HERC1: variants seen among roughly 807,000 people sequenced by gnomAD.
HERC1 encodes probable E3 ubiquitin-protein ligase HERC1.
A neutral mutation model predicts 554.3 loss-of-function variants in HERC1; 160 were observed. The observed-to-expected ratio is 0.29, with a 90% CI of 0.25 to 0.33. The LOEUF (loss-of-function observed/expected upper bound fraction) is 0.33. HERC1 is among the 10% of genes least tolerant of loss of function. The probability of loss-of-function intolerance (pLI) is 1.00; values close to 1 mark genes in which losing one functional copy is unlikely to be tolerated. For synonymous variants in HERC1, 2,175 were observed against 2,131.7 expected, an observed-to-expected ratio of 1.02 and a Z score of -0.56; for missense variants, 4,919 against 5,918.5, an observed-to-expected ratio of 0.83 and a Z score of 5.54.
intron 44 of HERC1, among the ~76,000 whole-genome samples, chr15:63,662,233 A>G (rs2070394331): frequency 6.6e-6 from 1 of 152,164 alleles, no homozygotes; most frequent in South Asian, 2.1e-4. Context: ...AATAAGTTAT[A>G]TCAATAATAC....
In HERC1 at chr15:63,622,888, G is replaced by C; in HGVS notation, c.13615C>G (p.Leu4539Val). Residue 4539 changes from leucine (L) to valine (V), a missense_variant, in exon 74 of 78, where the codon CTT becomes GTT. Physicochemically the swap from Leu to Val is conservative, Grantham distance 32 (BLOSUM62 1). Coordinates refer to ENST00000443617, the MANE Select transcript of HERC1 (RefSeq NM_003922.4). ...AGAAGGTCAACAATACCAGTTTCAA[G>C]TTCCTGCAGAAGAAAGAAAAAAATT... ...DDTITEMCQE[L>V]ETGIVDLLIP... 1 of 1,593,658 alleles carries C rather than the reference G, an allele frequency of 6.3e-7. No homozygotes were observed. The highest frequency in any genetic ancestry group is 8.5e-7 in the Non-Finnish European group (1 of 1,172,210).
chr15:63,724,623 T>A (rs2073963452), intron 18 of HERC1, among the ~76,000 whole-genome samples: 1 of 152,192 alleles, frequency 6.6e-6, no homozygotes, highest in African/African-American at 2.4e-5. Flanking sequence ...TTAGATCTAA[T>A]AATATCATGT....
At chr15:63,659,538 C>A (rs1336692350) in intron 47 of HERC1, among the ~76,000 whole-genome samples, 198 bp downstream of exon 47, 1 of 152,148 alleles carries the variant, frequency 6.6e-6, no homozygotes, top group South Asian at 2.1e-4. Context: ...CGAGCATAAG[C>A]CACCAAGCCC....
intron 76 of HERC1, among the ~76,000 whole-genome samples, chr15:63,613,054 A>AT (rs1318631887): frequency 2.0e-5 from 3 of 152,378 alleles, no homozygotes; most frequent in Middle Eastern, 3.4e-3. Flanking sequence ...CGTAAAAAAA[A>AT]TCTGAAAAGT....
rs1483089609 is a variant in HERC1 at position 63,654,210 on chromosome 15, C to T, written c.10199G>A (p.Arg3400His). 8 of 1,613,990 alleles carry T rather than the reference C, an allele frequency of 5.0e-6. No individual in the cohort carries two copies. Among genetic ancestry groups the T allele is most frequent in the Middle Eastern group, 1.6e-4 (1 of 6,062 alleles). ...QLVRTLAAHD[R>H]DNQTTLQTLA... ...TGTCTGCAGAGTAGTTTGGTTGTCA[C>T]GGTCGTGTGCAGCAAGAGTGCGCAC... The change falls in exon 51 of 78, where the codon CGT (arginine) becomes CAT (histidine). Residue 3400 changes from arginine to histidine, a missense_variant. By Grantham distance (29) the Arg-to-His change is conservative (BLOSUM62 0). This residue lies in a region of HERC1 where 1,963 missense variants were observed against 2,228.6 expected (regional missense o/e 0.88). Transcript: ENST00000443617.
Position 63,718,158 on chromosome 15 carries a change from A to G in HERC1, c.3978+416T>C, listed in dbSNP as rs1292825975. Among the ~76,000 whole-genome samples the G allele has an allele frequency of 2.0e-5, 3 of 151,098 alleles. No homozygotes were observed. The highest frequency in any genetic ancestry group is 1.3e-4 in the Admixed American group (2 of 15,170). On this transcript the variant is annotated intron_variant, in intron 21 of 77. Transcript: ENST00000443617. The surrounding 1 kb of genome is among the most constrained non-coding windows in gnomAD (Gnocchi z 4.2). ...CTTGGTTTTCACTTCTCTAAGCTGA[A>G]TATTTTTGATACTTTCTAGTCCTTC...
chr15:63,753,369 C>A (rs1293541327), intron 7 of HERC1, among the ~76,000 whole-genome samples: 1 of 152,080 alleles, frequency 6.6e-6, no homozygotes, highest in Admixed American at 6.6e-5. Flanking sequence ...TCTTTCTCCC[C>A]CTTTAATGGC....
At chr15:63,709,303 C>A (rs564391667) in intron 24 of HERC1, among the ~76,000 whole-genome samples, 1 of 152,096 alleles carries the variant, frequency 6.6e-6, no homozygotes, top group Admixed American at 6.6e-5. Flanking sequence ...AGCCACTGCG[C>A]CTGGCCCAAT....
chr15:63,654,611 G>A (rs1432245360), intron 50 of HERC1, among the ~76,000 whole-genome samples: 1 of 152,026 alleles, frequency 6.6e-6, no homozygotes, highest in African/African-American at 2.4e-5. Context: ...CCAGTGCTTT[G>A]GGAGGCCAAG....
chr15:63,689,441 G>A (rs2071977587), intron 33 of HERC1, 148 bp downstream of exon 33: 2 of 558,566 alleles, frequency 3.6e-6, no homozygotes, highest in Admixed American at 3.2e-5. Context: ...CTGAGGGGAG[G>A]GAATCAGTGG....
At chr15:63,753,484 A>G (rs1394740126) in intron 7 of HERC1, among the ~76,000 whole-genome samples, 1 of 152,166 alleles carries the variant, frequency 6.6e-6, no homozygotes, top group Non-Finnish European at 1.5e-5. Flanking sequence ...TTTTTCATAA[A>G]CTTTTTAAAA....
Position 63,644,985 on chromosome 15 carries a change from A to C in HERC1, c.11184+7T>G. The C allele has an allele frequency of 1.9e-6, 3 of 1,587,966 alleles. No individual in the cohort carries two copies. The highest frequency in any genetic ancestry group is 2.6e-6 in the Non-Finnish European group (3 of 1,155,946). On this transcript the variant is annotated splice_region_variant and intron_variant, in intron 57 of 77. Transcript: ENST00000443617. ...TCAGACAGTCTTCAAAAACACCAGA[A>C]TGTTACCTGGCAATTTGATTCCTGC...
intron 1 of HERC1, among the ~76,000 whole-genome samples, chr15:63,825,607 A>T (rs2077869840): frequency 6.6e-6 from 1 of 152,136 alleles, no homozygotes; most frequent in Non-Finnish European, 1.5e-5. Context: ...TTTTGTAATC[A>T]GTAAAATGAA....
At chr15:63,760,154 G>A (rs974922091) in intron 3 of HERC1, among the ~76,000 whole-genome samples, 8 of 151,958 alleles carry the variant, frequency 5.3e-5, no homozygotes, top group Non-Finnish European at 7.4e-5. Context: ...AGGAAAGATG[G>A]AAAGGAAAGA....
chr15:63,767,903 GAGA>G (rs913692622), intron 2 of HERC1, among the ~76,000 whole-genome samples: 1 of 152,196 alleles, frequency 6.6e-6, no homozygotes, highest in Non-Finnish European at 1.5e-5. Context: ...CAAAGCTGCA[GAGA>G]AGTTTAATCT....
At position 63,666,731 on chromosome 15, in the gene HERC1, T is replaced by C. The variant is rs80096136; in HGVS notation, c.8207-259A>G. Among the ~76,000 whole-genome samples the C allele has an allele frequency of 7.2e-3, 1,092 of 152,250 alleles. 14 individuals are homozygous for C. The highest frequency in any genetic ancestry group is 0.025 in the African/African-American group (1,050 of 41,554). On this transcript the variant is annotated intron_variant, in intron 40 of 77. Transcript: ENST00000443617. ...CCCACTCCTCATCCAAGTTCCATAT[T>C]TGTAAATCTGTATACTCAATAAAAT...
chr15:63,648,266 G>C, intron 54 of HERC1, 67 bp from the exon 55 acceptor site: 1 of 1,453,624 alleles, frequency 6.9e-7, no homozygotes, highest in Non-Finnish European at 9.3e-7. Context: ...TTAAAAGACA[G>C]AGACTTTGAA....
intron 54 of HERC1, among the ~76,000 whole-genome samples, chr15:63,649,043 T>C (rs1313868468): frequency 6.6e-6 from 1 of 152,170 alleles, no homozygotes; most frequent in Non-Finnish European, 1.5e-5. Context: ...ACTTCAATTT[T>C]ACTCATTTTT....
chr15:63,707,764 A>G (rs1411711790), intron 24 of HERC1, among the ~76,000 whole-genome samples: 3 of 151,908 alleles, frequency 2.0e-5, no homozygotes, highest in African/African-American at 7.3e-5. Flanking sequence ...CCCCATCTCC[A>G]CTAAAAATAC....
Sources: gnomAD v4.1 joint callset for allele counts (sites outside exome capture counted in the v4.1 genomes callset) on GRCh38, gnomAD v4.1.1 for gene constraint, gnomAD v4.1.1 regional missense constraint, Gnocchi (gnomAD v3.1) non-coding constraint, MANE v1.5 for transcripts, NCBI Gene and HGNC (gene_info 2026-07-23, HGNC 2026-07-21) for gene names.